Variants in PPM1G observed in about 807,000 individuals in gnomAD.
PPM1G encodes protein phosphatase, Mg2+/Mn2+ dependent 1G.
In PPM1G, 12 loss-of-function variants were observed where a neutral mutation model predicts 59.4. The observed-to-expected ratio is 0.20, with a 90% CI of 0.13 to 0.33. The LOEUF (loss-of-function observed/expected upper bound fraction) is 0.33, where lower values mean the gene tolerates loss of function less well. Among genes scored for constraint, PPM1G ranks in the 10% least tolerant of loss-of-function variants. PPM1G has a pLI of 1.00. For missense variants in PPM1G, 392 were observed against 681.3 expected, an observed-to-expected ratio of 0.58 and a Z score of 4.73; for synonymous variants, 245 against 251.9, an observed-to-expected ratio of 0.97 and a Z score of 0.26.
At chr2:27,387,242 A>G in intron 1 of PPM1G, 84 bp from the exon 2 acceptor site, 3 of 1,118,920 alleles carry the variant, frequency 2.7e-6, no homozygotes, top group Non-Finnish European at 4.0e-6. Context: ...CCCCTTACTA[A>G]CCTTTCCCTG....
At chr2:27,396,030 G>T (rs1018837197) in intron 1 of PPM1G, among the ~76,000 whole-genome samples, 2 of 152,162 alleles carry the variant, frequency 1.3e-5, no homozygotes, top group Non-Finnish European at 2.9e-5. Context: ...CAGCACTTTG[G>T]GAGGCCAAGG....
At chr2:27,388,050 A>G (rs111595594) in intron 1 of PPM1G, among the ~76,000 whole-genome samples, 71,335 of 151,088 alleles carry the variant, frequency 0.47, 18,526 homozygotes, top group African/African-American at 0.69. Flanking sequence ...CACCCGCCTC[A>G]GTCTCCCAAA....
chr2:27,403,661 C>G (rs1422081699), intron 1 of PPM1G, among the ~76,000 whole-genome samples: 1 of 151,726 alleles, frequency 6.6e-6, no homozygotes, highest in East Asian at 1.9e-4. Context: ...CGGAGGCGGG[C>G]AGATCACCTG....
Position 27,382,107 on chromosome 2 carries a change from TCTC to T in PPM1G, c.1434+16_1434+18del. 1 of 1,606,882 alleles carries T rather than the reference TCTC, an allele frequency of 6.2e-7. No individual in the cohort carries two copies. The highest frequency in any genetic ancestry group is 8.5e-7 in the Non-Finnish European group (1 of 1,173,566). On this transcript the variant is annotated intron_variant, in intron 9 of 9. Transcript: ENST00000344034. This position sits in a 1 kb window ranked among gnomAD's most constrained non-coding sequence, Gnocchi z 4.2. ...GCTGTGCAGACCAGACACCCTCTCT[TCTC>T]CACCCTGGTACTCACCTCTTCCACA...
At chr2:27,393,707 C>G (rs1683975260) in intron 1 of PPM1G, among the ~76,000 whole-genome samples, 1 of 152,046 alleles carries the variant, frequency 6.6e-6, no homozygotes, top group Non-Finnish European at 1.5e-5. Flanking sequence ...GCCTCAGCCT[C>G]CCGAGTAGCT....
intron 1 of PPM1G, chr2:27,393,039 T>C (rs1683954222): frequency 2.2e-6 from 3 of 1,388,128 alleles, no homozygotes; most frequent in Non-Finnish European, 2.0e-6. Flanking sequence ...AATGCACAAT[T>C]TTTTCCAAAT....
At chr2:27,396,586 G>A (rs866631088) in intron 1 of PPM1G, among the ~76,000 whole-genome samples, 2 of 151,650 alleles carry the variant, frequency 1.3e-5, no homozygotes, top group Non-Finnish European at 2.9e-5. Flanking sequence ...AGGCCGAGGC[G>A]GGCGGATCAC....
At chr2:27,403,866 C>G (rs1572669812) in intron 1 of PPM1G, among the ~76,000 whole-genome samples, 1 of 150,354 alleles carries the variant, frequency 6.7e-6, no homozygotes, top group South Asian at 2.1e-4. Context: ...GTGACAGAGA[C>G]TCTGTCTAAA....
intron 1 of PPM1G, among the ~76,000 whole-genome samples, chr2:27,391,584 A>T (rs1683904034): frequency 6.6e-6 from 1 of 152,086 alleles, no homozygotes; most frequent in Admixed American, 6.6e-5. Flanking sequence ...TGTTGGATGT[A>T]TACTTTGTGA....
chr2:27,402,384 C>G (rs1684199707), intron 1 of PPM1G, among the ~76,000 whole-genome samples: 1 of 152,104 alleles, frequency 6.6e-6, no homozygotes, highest in African/African-American at 2.4e-5. Context: ...GTTAGGGAAA[C>G]AGTAGTAACA....
chr2:27,384,496 G>C lies in PPM1G; in HGVS notation c.825+177C>G, dbSNP rs1389434702. Among the ~76,000 whole-genome samples the C allele has an allele frequency of 2.0e-5, 3 of 152,162 alleles. No homozygotes were observed. The highest frequency in any genetic ancestry group is 4.4e-5 in the Non-Finnish European group (3 of 68,032). On this transcript the variant is annotated intron_variant, in intron 5 of 9. Transcript: ENST00000344034. This position sits in a 1 kb window ranked among gnomAD's most constrained non-coding sequence, Gnocchi z 4.8. ...GTACCAACAAAGGAAGAGGTAAAAA[G>C]GCAAATGGTACCTGTGATGATGGAG...
At chr2:27,389,806 A>G (rs1683854224) in intron 1 of PPM1G, among the ~76,000 whole-genome samples, 1 of 152,108 alleles carries the variant, frequency 6.6e-6, no homozygotes, top group Admixed American at 6.6e-5. Flanking sequence ...TCTACAAAAA[A>G]ATTTTAAAGT....
At chr2:27,404,716 G>C (rs939382282) in intron 1 of PPM1G, among the ~76,000 whole-genome samples, 3 of 151,572 alleles carry the variant, frequency 2.0e-5, no homozygotes, top group African/African-American at 7.3e-5. Flanking sequence ...AGGCCGAGGC[G>C]GGCGGATTAA....
Position 27,385,865 on chromosome 2 carries a change from G to A in PPM1G, c.291C>T (p.Ala97=), listed in dbSNP as rs1203510444. Residue 97 remains alanine (A), a synonymous_variant, in exon 4 of 10, where the codon GCC becomes GCT. Coordinates refer to ENST00000344034, the MANE Select transcript of PPM1G (RefSeq NM_177983.3). This position sits in a 1 kb window ranked among gnomAD's most constrained non-coding sequence, Gnocchi z 4.1. The part of the protein sequence containing the change: ...EGKLQKALED[A]FLAIDAKLTT... ...TCAATTTGGCGTCAATAGCCAAGAA[G>A]GCATCTTCTAAAGCCTGAATATAAG... 2 of 1,613,416 alleles carry A rather than the reference G, an allele frequency of 1.2e-6. No individual in the cohort carries two copies. Among genetic ancestry groups the A allele is most frequent in the African/African-American group, 1.3e-5 (1 of 74,868 alleles).
At chr2:27,404,327 CACA>C (rs1419248951) in intron 1 of PPM1G, among the ~76,000 whole-genome samples, 3 of 150,104 alleles carry the variant, frequency 2.0e-5, no homozygotes, top group Non-Finnish European at 4.4e-5. Context: ...GCAGGTGGAT[CACA>C]ACGTCAGGAG....
In PPM1G at chr2:27,381,629, G is replaced by A. The variant is rs774387308; in HGVS notation, c.1611C>T (p.Ser537=). 2 of 1,614,070 alleles carry A rather than the reference G, an allele frequency of 1.2e-6. No homozygotes were observed. Among genetic ancestry groups the A allele is most frequent in the Non-Finnish European group, 8.5e-7 (1 of 1,180,020 alleles). ...STEGAEENGN[S]DKKKKAKRD is the part of the protein sequence containing the mutation. ...CTCGCTTGGCCTTCTTCTTCTTGTCGCTGTTGCCATTTTCTTCAGCCCCCT... is the reference window on the plus strand; with the variant it reads ...CTCGCTTGGCCTTCTTCTTCTTGTCACTGTTGCCATTTTCTTCAGCCCCCT... The change falls in exon 10 of 10, where the codon AGC becomes AGT. Residue 537 remains serine, a synonymous_variant. Coordinates refer to ENST00000344034, the MANE Select transcript of PPM1G (RefSeq NM_177983.3).
At chr2:27,398,521 A>C (rs1684103335) in intron 1 of PPM1G, among the ~76,000 whole-genome samples, 1 of 152,200 alleles carries the variant, frequency 6.6e-6, no homozygotes, top group Non-Finnish European at 1.5e-5. Flanking sequence ...TTCAAAAGAC[A>C]CCATCAAGAA....
At chr2:27,396,612 A>G (rs936890968) in intron 1 of PPM1G, among the ~76,000 whole-genome samples, 2 of 151,920 alleles carry the variant, frequency 1.3e-5, no homozygotes, top group Non-Finnish European at 2.9e-5. Context: ...GTGAGGAGTT[A>G]GAGACCAGCC....
intron 1 of PPM1G, among the ~76,000 whole-genome samples, chr2:27,404,752 G>A (rs1039011036): frequency 1.3e-5 from 2 of 151,584 alleles, no homozygotes; most frequent in South Asian, 2.1e-4. Context: ...AGACCAACCC[G>A]GCCAACATAG....
Sources: allele counts gnomAD v4.1 joint callset (sites outside exome capture counted in the v4.1 genomes callset), GRCh38; gene constraint gnomAD v4.1.1; non-coding constraint Gnocchi (gnomAD v3.1); transcripts MANE v1.5; gene names NCBI Gene and HGNC (gene_info 2026-07-23, HGNC 2026-07-21).